The following DGKI variants were observed in gnomAD, a reference collection of about 807,000 sequenced individuals.
DGKI encodes DAG kinase iota.
DGKI carries 55 observed loss-of-function variants against 147.5 expected under a neutral mutation model. The observed-to-expected ratio is 0.37, with a 90% confidence interval of 0.30 to 0.47. The LOEUF (loss-of-function observed/expected upper bound fraction) is 0.47, where lower values mean the gene tolerates loss of function less well. Ranked by LOEUF, DGKI falls within the 20% of genes least tolerant of loss-of-function variation. DGKI has a pLI of 1.00. For synonymous variants in DGKI, 469 were observed against 477.1 expected, an observed-to-expected ratio of 0.98 and a Z score of 0.22; for missense variants, 1,007 against 1,323.8, an observed-to-expected ratio of 0.76 and a Z score of 3.71.
At chr7:137,485,249 A>T in intron 23 of DGKI, 125 bp downstream of exon 23, 1 of 764,800 alleles carries the variant, frequency 1.3e-6, no homozygotes, top group Non-Finnish European at 2.1e-6. Context: ...CATTTTCACT[A>T]GATTCTTAGA....
In DGKI at chr7:137,391,096, G is replaced by A. The variant is rs1265412705; in HGVS notation, c.*124C>T. ...TTAAAAGCTAGTGGCATGGTCTCAG[G>A]TAGATTCTTGCAGGAGAGAGACAGA... On this transcript the variant is annotated 3_prime_UTR_variant, in exon 33 of 33. Transcript: ENST00000614521. 1 of 799,296 alleles carries A rather than the reference G, an allele frequency of 1.3e-6. No individual in the cohort carries two copies. Among genetic ancestry groups the A allele is most frequent in the Non-Finnish European group, 2.2e-6 (1 of 457,804 alleles). The allele number at this position is 799,296 out of a possible 1,614,324, so 49.5% of individuals were successfully genotyped here. A position where few individuals can be genotyped will look rare whatever the true frequency, so the allele number is the denominator to read the frequency against.
At chr7:137,452,453 T>A (rs1012976544) in intron 27 of DGKI, among the ~76,000 whole-genome samples, 1 of 152,184 alleles carries the variant, frequency 6.6e-6, no homozygotes, top group Non-Finnish European at 1.5e-5. Flanking sequence ...GTGCTCCTTC[T>A]ACACCCTACA....
In DGKI at chr7:137,535,557, C is replaced by T. The variant is rs566412687; in HGVS notation, c.2148-13591G>A. ...CTTTCTCCTTTACCCCCAAGTCTGA[C>T]TTCTGCAAGAGCTCCCTTATTCCCT... On this transcript the variant is annotated intron_variant, in intron 20 of 32. Coordinates refer to ENST00000614521, the MANE Select transcript of DGKI (RefSeq NM_001321708.2). 1.4e-3 allele frequency among the ~76,000 whole-genome samples: 216 copies of T among 152,172 alleles called. 2 individuals carry two copies. Among genetic ancestry groups the T allele is most frequent in the African/African-American group, 4.9e-3 (204 of 41,530 alleles).
Position 137,433,251 on chromosome 7 carries a change from T to C in DGKI, c.2761+10826A>G, listed in dbSNP as rs77378232. Among the ~76,000 whole-genome samples the C allele has an allele frequency of 8.8e-4, 134 of 152,322 alleles. 1 individual carries two copies. The highest frequency in any genetic ancestry group is 3.1e-3 in the African/African-American group (131 of 41,592). On this transcript the variant is annotated intron_variant, in intron 28 of 32. Transcript: ENST00000614521. The stretch of plus-strand genomic sequence containing the variant: ...AAAATGCATTCAAAGCACTACAGCA[T>C]ACAGGTTAAAGTAACATATCTAAGA...
At chr7:137,690,081 T>C in intron 1 of DGKI, 79 bp from the exon 2 acceptor site, 1 of 1,092,946 alleles carries the variant, frequency 9.1e-7, no homozygotes, top group Admixed American at 2.7e-5. Context: ...AAATTTCCCA[T>C]GGGGTAGAAA....
chr7:137,583,705 C>T (rs771374467), intron 14 of DGKI, among the ~76,000 whole-genome samples: 2 of 152,098 alleles, frequency 1.3e-5, no homozygotes, highest in Non-Finnish European at 2.9e-5. Flanking sequence ...TATTGCACGT[C>T]TAACTATTCC....
intron 19 of DGKI, among the ~76,000 whole-genome samples, chr7:137,563,095 G>T (rs1325058755): frequency 6.6e-6 from 1 of 151,946 alleles, no homozygotes; most frequent in East Asian, 1.9e-4. Flanking sequence ...AGAAATGCAA[G>T]ATCAGTATAA....
chr7:137,520,650 A>G (rs1337164117), intron 21 of DGKI, among the ~76,000 whole-genome samples: 1 of 152,058 alleles, frequency 6.6e-6, no homozygotes, highest in African/African-American at 2.4e-5. Flanking sequence ...GGGTTTAGGA[A>G]GCTGAAGCAG....
At chr7:137,453,881 T>C (rs576082748) in intron 27 of DGKI, among the ~76,000 whole-genome samples, 8 of 152,200 alleles carry the variant, frequency 5.3e-5, no homozygotes, top group Non-Finnish European at 1.0e-4. Flanking sequence ...TACCCAAATA[T>C]ATGCCTTGAT....
intron 27 of DGKI, among the ~76,000 whole-genome samples, chr7:137,451,833 A>G (rs910081755): frequency 6.6e-6 from 1 of 151,794 alleles, no homozygotes; most frequent in African/African-American, 2.4e-5. Flanking sequence ...CTTTCTTTTT[A>G]TTTTTTTAGA....
rs1798762605 is a variant in DGKI, at chr7:137,846,958, C to T, written c.-96G>A. ...GCCGCTCCCCGCCTCCCGCGCCCTC[C>T]CGCGCCGGCCCGCACCCTCCAGCCC... On this transcript the variant is annotated 5_prime_UTR_variant, in exon 1 of 33. Transcript: ENST00000614521. This position sits in a 1 kb window ranked among gnomAD's most constrained non-coding sequence, Gnocchi z 4.0. The T allele has an allele frequency of 5.4e-6, 5 of 929,966 alleles. No homozygotes were observed. The highest frequency in any genetic ancestry group is 3.9e-6 in the Non-Finnish European group (3 of 769,744). 57.6% of individuals were successfully genotyped at this position (929,966 alleles called of 1,614,324 possible). A position where few individuals can be genotyped will look rare whatever the true frequency, so the allele number is the denominator to read the frequency against.
rs1251794783 is a variant in DGKI at position 137,843,387 on chromosome 7, C to G, written c.401+3075G>C. ...AAGTAGTAATTTTAAAAGAAAAGTA[C>G]CAGCTCACTCGCACTGCCTTTTCAA... On this transcript the variant is annotated intron_variant, in intron 1 of 32. Transcript: ENST00000614521. 5.1e-6 allele frequency: 5 copies of G among 983,896 alleles called. No homozygotes were observed. The African/African-American group carries it at 5.3e-5, about 10-fold the overall frequency. The allele number at this position is 983,896 out of a possible 1,614,324, so 60.9% of individuals were successfully genotyped here. A position where few individuals can be genotyped will look rare whatever the true frequency, so the allele number is the denominator to read the frequency against.
chr7:137,446,751 G>A (rs1182785931), intron 27 of DGKI, among the ~76,000 whole-genome samples: 5 of 152,112 alleles, frequency 3.3e-5, no homozygotes, highest in African/African-American at 1.2e-4. Context: ...GAAAGAGAGA[G>A]AGGGAGGGGA....
At chr7:137,526,087 C>A (rs1053856409) in intron 20 of DGKI, among the ~76,000 whole-genome samples, 4 of 152,090 alleles carry the variant, frequency 2.6e-5, no homozygotes, top group Admixed American at 2.6e-4. Context: ...ATATTAGTGT[C>A]CCATTAATGG....
At chr7:137,836,173 C>T (rs1798375323) in intron 1 of DGKI, among the ~76,000 whole-genome samples, 1 of 152,072 alleles carries the variant, frequency 6.6e-6, no homozygotes, top group Non-Finnish European at 1.5e-5. Flanking sequence ...TAAGTAATTC[C>T]ACGCTGGCTC....
intron 27 of DGKI, among the ~76,000 whole-genome samples, chr7:137,458,809 T>C (rs907414651): frequency 2.0e-5 from 3 of 152,214 alleles, no homozygotes; most frequent in Non-Finnish European, 4.4e-5. Context: ...ATCGTGGTGG[T>C]ACAATTAATG....
At chr7:137,773,511 C>T (rs989502990) in intron 1 of DGKI, among the ~76,000 whole-genome samples, 14 of 152,250 alleles carry the variant, frequency 9.2e-5, no homozygotes, top group African/African-American at 3.4e-4. Flanking sequence ...TCTGTGAGGG[C>T]ACACAGGAAT....
chr7:137,454,276 A>G (rs1814095092), intron 27 of DGKI, among the ~76,000 whole-genome samples: 1 of 152,194 alleles, frequency 6.6e-6, no homozygotes, highest in African/African-American at 2.4e-5. Context: ...CTAAAAACTA[A>G]TTTTAAAAAA....
chr7:137,656,487 G>A lies in DGKI; in HGVS notation c.660C>T (p.Ala220=). ...CAVCKIVVHT[A]CIEQLEKINF... ...TTACCTTTTCTAGCTGCTCAATGCA[G>A]GCGGTGTGGACGACGATTTTACAGA... Residue 220 remains alanine, a synonymous_variant, in exon 4 of 33, where the codon GCC becomes GCT. Coordinates refer to ENST00000614521, the MANE Select transcript of DGKI (RefSeq NM_001321708.2). The A allele has an allele frequency of 6.2e-7, 1 of 1,614,126 alleles. No homozygotes were observed. The highest frequency in any genetic ancestry group is 8.5e-7 in the Non-Finnish European group (1 of 1,180,002).
Sources: gnomAD v4.1 joint callset for allele counts (sites outside exome capture counted in the v4.1 genomes callset) on GRCh38, gnomAD v4.1.1 for gene constraint, Gnocchi (gnomAD v3.1) non-coding constraint, MANE v1.5 for transcripts, NCBI Gene and HGNC (gene_info 2026-07-23, HGNC 2026-07-21) for gene names.